NMT2: variants seen among roughly 807,000 people sequenced by gnomAD.
The protein encoded by NMT2 is glycylpeptide N-tetradecanoyltransferase 2.
Under a neutral mutation model 65.4 loss-of-function variants are expected in NMT2, and 35 were observed. The ratio of observed to expected loss-of-function variants is 0.54; its 90% confidence interval spans 0.41 to 0.71. NMT2 has a LOEUF of 0.71. Ranked by LOEUF, NMT2 falls within the 30% of genes least tolerant of loss-of-function variation. NMT2 has a pLI of 0.00. For synonymous variants in NMT2, 226 were observed against 231.8 expected (o/e 0.98, Z 0.23); for missense variants, 489 against 611.3 (o/e 0.80, Z 2.11).
chr10:15,163,215 T>C (rs1056705180), intron 1 of NMT2, among the ~76,000 whole-genome samples: 2 of 152,212 alleles, frequency 1.3e-5, no homozygotes, highest in African/African-American at 2.4e-5. Context: ...CCTGGCCCTA[T>C]TGTTTGATTT....
At chr10:15,155,861 G>GT (rs1348496765) in intron 1 of NMT2, among the ~76,000 whole-genome samples, 1 of 151,708 alleles carries the variant, frequency 6.6e-6, no homozygotes, top group Non-Finnish European at 1.5e-5. Context: ...CACAAGCACT[G>GT]TGATTCCAAG....
At chr10:15,165,897 A>G (rs1833362953) in intron 1 of NMT2, among the ~76,000 whole-genome samples, 1 of 151,202 alleles carries the variant, frequency 6.6e-6, no homozygotes, top group African/African-American at 2.4e-5. Context: ...AAAAAGGTAC[A>G]TTTTCCATGA....
At chr10:15,112,216 A>ATT (rs869310724) in intron 10 of NMT2, among the ~76,000 whole-genome samples, 2 of 12,262 alleles carry the variant, frequency 1.6e-4, no homozygotes, top group African/African-American at 2.8e-4. Context: ...ATATATATAT[A>ATT]TTTTTTTTTT....
intron 1 of NMT2, among the ~76,000 whole-genome samples, chr10:15,164,959 T>A (rs540284054): frequency 6.6e-6 from 1 of 151,846 alleles, no homozygotes; most frequent in African/African-American, 2.4e-5. Context: ...AGGTCAGGAG[T>A]TTGAGACCAG....
chr10:15,110,245 C>G (rs1380198588), intron 10 of NMT2, among the ~76,000 whole-genome samples: 2 of 151,968 alleles, frequency 1.3e-5, no homozygotes, highest in East Asian at 1.9e-4. Context: ...GGCACTCCAG[C>G]CTGAGCGACA....
chr10:15,137,136 G>C (rs1001098144), intron 2 of NMT2, among the ~76,000 whole-genome samples: 1 of 152,126 alleles, frequency 6.6e-6, no homozygotes, highest in Non-Finnish European at 1.5e-5. Flanking sequence ...GTTCCACTTG[G>C]AATCTGAAAT....
intron 8 of NMT2, among the ~76,000 whole-genome samples, chr10:15,121,591 G>A (rs1342301865): frequency 6.6e-6 from 1 of 152,142 alleles, no homozygotes; most frequent in Non-Finnish European, 1.5e-5. Flanking sequence ...GGTCTCGAAT[G>A]CCTGACCTCA....
chr10:15,165,806 A>C (rs1007419370), intron 1 of NMT2, among the ~76,000 whole-genome samples: 1 of 148,988 alleles, frequency 6.7e-6, no homozygotes, highest in African/African-American at 2.5e-5. Flanking sequence ...TGAATCCAGG[A>C]GGCGGAGGTT....
At position 15,166,052 on chromosome 10, in the gene NMT2, A is replaced by G. The variant is rs556956037; in HGVS notation, c.110+2451T>C. 1.4e-3 allele frequency among the ~76,000 whole-genome samples: 217 copies of G among 152,308 alleles called. 2 individuals are homozygous for G. Among genetic ancestry groups the G allele is most frequent in the Middle Eastern group, 6.8e-3 (2 of 294 alleles). Reference sequence around the variant, plus strand: ...AAATACCCTTTTTAGTCCATGAAGAAAATTCCATGAAAATAAAAGAACAGC... The same window carrying G: ...AAATACCCTTTTTAGTCCATGAAGAGAATTCCATGAAAATAAAAGAACAGC... On this transcript the variant is annotated intron_variant, in intron 1 of 11. Transcript: ENST00000378165.
intron 1 of NMT2, among the ~76,000 whole-genome samples, chr10:15,161,061 C>G (rs192767050): frequency 9.0e-6 from 1 of 111,038 alleles, no homozygotes; most frequent in East Asian, 2.7e-4. Context: ...GGTGACAGAG[C>G]GAGACTCTGC....
intron 1 of NMT2, among the ~76,000 whole-genome samples, chr10:15,147,341 T>G (rs1449264530): frequency 6.6e-6 from 1 of 152,152 alleles, no homozygotes; most frequent in African/African-American, 2.4e-5. Context: ...GGAATATAGC[T>G]GATTGTAATC....
intron 2 of NMT2, among the ~76,000 whole-genome samples, chr10:15,140,295 T>C (rs12781813): frequency 6.6e-6 from 1 of 151,694 alleles, no homozygotes; most frequent in East Asian, 2.0e-4. Context: ...ACTAACTTTT[T>C]GTATTTTTAG....
chr10:15,108,847 T>C lies in NMT2; in HGVS notation c.*348A>G, dbSNP rs41284461. ...TCTCCACACAATAGCAAAGATTTTC[T>C]TACATGACTCTGTAACTTCTACTTA... is the stretch of plus-strand genomic sequence containing the variant. On this transcript the variant is annotated 3_prime_UTR_variant, in exon 12 of 12. Transcript: ENST00000378165. 7.3e-3 allele frequency: 7,838 copies of C among 1,069,688 alleles called. 33 individuals are homozygous for C. Among genetic ancestry groups the C allele is most frequent in the Non-Finnish European group, 8.2e-3 (7,232 of 884,960 alleles). 66.3% of individuals were successfully genotyped at this position (1,069,688 alleles called of 1,614,324 possible). A position where few individuals can be genotyped will look rare whatever the true frequency, so the allele number is the denominator to read the frequency against.
chr10:15,119,494 A>C lies in NMT2; in HGVS notation c.1019T>G (p.Leu340Trp). ...RLPDVTKTSG[L>W]RPMEPKDIKS... The stretch of plus-strand genomic sequence containing the variant: ...GATATCTTTTGGTTCCATTGGTCTC[A>C]AACCTGAAGTCTTTGTAACCTTGTT... The change falls in exon 9 of 12, where the codon TTG becomes TGG. Residue 340 changes from leucine (L) to tryptophan (W), a missense_variant. By Grantham distance (61) the Leu-to-Trp change is moderately conservative. Transcript: ENST00000378165. The C allele has an allele frequency of 6.2e-7, 1 of 1,614,034 alleles. No homozygotes were observed. Among genetic ancestry groups the C allele is most frequent in the Non-Finnish European group, 8.5e-7 (1 of 1,180,004 alleles).
At position 15,151,490 on chromosome 10, in the gene NMT2, A is replaced by C. The variant is rs76952637; in HGVS notation, c.111-9933T>G. On this transcript the variant is annotated intron_variant, in intron 1 of 11. Coordinates refer to ENST00000378165, the MANE Select transcript of NMT2 (RefSeq NM_004808.3). ...ATTGGCCAGAAACACGTCTCACATG[A>C]AGTTTAGTTTGTGAAGTAAGACCTG... Among the ~76,000 whole-genome samples the C allele has an allele frequency of 8.1e-3, 1,235 of 152,348 alleles. 23 individuals carry two copies. The highest frequency in any genetic ancestry group is 0.028 in the African/African-American group (1,157 of 41,580).
At position 15,106,066 on chromosome 10, in the gene NMT2, C is replaced by T; in HGVS notation, c.*3129G>A. 1 of 366,014 alleles carries T rather than the reference C, an allele frequency of 2.7e-6. No homozygotes were observed. The highest frequency in any genetic ancestry group is 5.3e-6 in the Non-Finnish European group (1 of 187,946). The allele number at this position is 366,014 out of a possible 1,614,324, so 22.7% of individuals were successfully genotyped here. On this transcript the variant is annotated 3_prime_UTR_variant, in exon 12 of 12. Transcript: ENST00000378165. ...CTGGAGTGCAGTGGTGTGATCCCGG[C>T]TCACTGCAACCCCGCCTCCTGGGTT...
chr10:15,158,211 G>A (rs1221023860), intron 1 of NMT2, among the ~76,000 whole-genome samples: 2 of 152,014 alleles, frequency 1.3e-5, no homozygotes, highest in Non-Finnish European at 2.9e-5. Flanking sequence ...AGCTACTTGG[G>A]AGGCTGAGGC....
At position 15,108,767 on chromosome 10, in the gene NMT2, T is replaced by A; in HGVS notation, c.*428A>T. 1 of 1,020,350 alleles carries A rather than the reference T, an allele frequency of 9.8e-7. No homozygotes were observed. The highest frequency in any genetic ancestry group is 3.9e-5 in the South Asian group (1 of 25,964). The allele number at this position is 1,020,350 out of a possible 1,614,324, so 63.2% of individuals were successfully genotyped here. A position where few individuals can be genotyped will look rare whatever the true frequency, so the allele number is the denominator to read the frequency against. On this transcript the variant is annotated 3_prime_UTR_variant, in exon 12 of 12. Coordinates refer to ENST00000378165, the MANE Select transcript of NMT2 (RefSeq NM_004808.3). ...AAAAAATTTCCAAATGGATCTTTTG[T>A]TCTGTTACATGGACAAATGTACCAT... is the stretch of plus-strand genomic sequence containing the variant.
chr10:15,118,145 T>C (rs1416960469), intron 9 of NMT2, among the ~76,000 whole-genome samples: 2 of 152,124 alleles, frequency 1.3e-5, no homozygotes, highest in Admixed American at 6.6e-5. Context: ...ACGAGGTCAG[T>C]GTGGTATTAG....
Sources: allele counts gnomAD v4.1 joint callset (sites outside exome capture counted in the v4.1 genomes callset), GRCh38; gene constraint gnomAD v4.1.1; transcripts MANE v1.5; gene names NCBI Gene and HGNC (gene_info 2026-07-23, HGNC 2026-07-21).